The following KPNA6 variants were observed in gnomAD, a reference collection of about 807,000 sequenced individuals.
KPNA6 encodes importin subunit alpha-7.
A neutral mutation model predicts 72.0 loss-of-function variants in KPNA6; 9 were observed. The ratio of observed to expected loss-of-function variants is 0.13; its 90% CI spans 0.08 to 0.22. The LOEUF is 0.22. Among genes scored for constraint, KPNA6 ranks in the 10% least tolerant of loss-of-function variants. The pLI, the probability that KPNA6 is intolerant of heterozygous loss-of-function variation, is 1.00. For missense variants in KPNA6, 374 were observed against 655.7 expected (o/e 0.57, Z 4.69); for synonymous variants, 219 against 242.1 (o/e 0.90, Z 0.89).
intron 1 of KPNA6, among the ~76,000 whole-genome samples, chr1:32,134,141 C>T (rs576157804): frequency 6.6e-5 from 10 of 151,460 alleles, no homozygotes; most frequent in African/African-American, 2.2e-4. Context: ...CCTGTAGTCC[C>T]AGCTACTGGG....
intron 1 of KPNA6, among the ~76,000 whole-genome samples, chr1:32,120,006 G>T (rs1487791677): frequency 6.6e-6 from 1 of 151,952 alleles, no homozygotes; most frequent in Non-Finnish European, 1.5e-5. Flanking sequence ...AAAGTGCTGG[G>T]ATTACAGGTG....
chr1:32,147,927 G>GAGT (rs1290363956), intron 1 of KPNA6, among the ~76,000 whole-genome samples: 1 of 151,976 alleles, frequency 6.6e-6, no homozygotes, highest in African/African-American at 2.4e-5. Flanking sequence ...TGGCCTCCCA[G>GAGT]AGTGCTAGGA....
intron 1 of KPNA6, among the ~76,000 whole-genome samples, chr1:32,128,201 T>C: frequency 6.6e-6 from 1 of 151,536 alleles, no homozygotes; most frequent in Non-Finnish European, 1.5e-5. Context: ...GTTTGGACTA[T>C]AGTTATCCCA....
chr1:32,124,756 C>G (rs928893520), intron 1 of KPNA6, among the ~76,000 whole-genome samples: 3 of 151,612 alleles, frequency 2.0e-5, no homozygotes, highest in Non-Finnish European at 4.4e-5. Context: ...ATCCTTCCGC[C>G]TTGGCCTCCC....
intron 1 of KPNA6, among the ~76,000 whole-genome samples, chr1:32,148,620 C>T (rs185566657): frequency 2.1e-5 from 3 of 143,768 alleles, no homozygotes; most frequent in Admixed American, 1.4e-4. Flanking sequence ...GGCTGGAGTG[C>T]GATCTCGGCT....
rs1050008345 is a variant in KPNA6, at chr1:32,137,872, C to T, written c.5-16716C>T. ...AAGATAGGCCAGGCACAGTGGCTCA[C>T]GCCTGTAGTCCCAGCACATTTGGAG... On this transcript the variant is annotated intron_variant, in intron 1 of 13. Coordinates refer to ENST00000373625, the MANE Select transcript of KPNA6 (RefSeq NM_012316.5). Among the ~76,000 whole-genome samples, 77 of 152,134 alleles carry T rather than the reference C, an allele frequency of 5.1e-4. 5 individuals are homozygous for T. Among genetic ancestry groups the T allele is most frequent in the Non-Finnish European group, 7.4e-5 (5 of 68,014 alleles).
At chr1:32,136,181 C>CTTTTTTTTTTTTT (rs759447035) in intron 1 of KPNA6, among the ~76,000 whole-genome samples, 1,624 of 138,808 alleles carry the variant, frequency 0.012, 70 homozygotes, top group African/African-American at 0.04. Flanking sequence ...TAGCTTCTCT[C>CTTTTTTTTTTTTT]TTTTTTTTTT....
chr1:32,163,320 AAG>A lies in KPNA6; in HGVS notation c.990+10_990+11del. On this transcript the variant is annotated splice_region_variant and intron_variant, in intron 10 of 13. Coordinates refer to ENST00000373625, the MANE Select transcript of KPNA6 (RefSeq NM_012316.5). ...GGATGACATCCAGACCCAGGTAAGA[AAG>A]AGGAGGGTGCAGGATCTTAGACCAG... is the stretch of plus-strand genomic sequence containing the variant. 6.2e-7 allele frequency: 1 copy of A among 1,604,870 alleles called. No homozygotes were observed. Among genetic ancestry groups the A allele is most frequent in the Non-Finnish European group, 8.5e-7 (1 of 1,173,184 alleles).
intron 1 of KPNA6, among the ~76,000 whole-genome samples, chr1:32,112,811 A>G (rs557344207): frequency 6.6e-6 from 1 of 152,258 alleles, no homozygotes; most frequent in Non-Finnish European, 1.5e-5. Context: ...ACATATCTTA[A>G]TTAAGAAATC....
At chr1:32,154,108 C>T (rs993271066) in intron 1 of KPNA6, among the ~76,000 whole-genome samples, 3 of 151,722 alleles carry the variant, frequency 2.0e-5, no homozygotes, top group Non-Finnish European at 4.4e-5. Context: ...TACCGTGCCA[C>T]TGCACTCCAG....
chr1:32,170,798 A>C lies in KPNA6; in HGVS notation c.1515A>C (p.Glu505Asp), dbSNP rs1289756756. The C allele has an allele frequency of 1.9e-6, 3 of 1,614,094 alleles. No homozygotes were observed. Among genetic ancestry groups the C allele is most frequent in the African/African-American group, 1.3e-5 (1 of 74,924 alleles). ...FDLIEHYFGV[E>D]DDDSSLAPQV... ...TCATTGAGCACTACTTTGGTGTAGA[A>C]GACGATGATAGCAGCCTGGCTCCCC... Residue 505 changes from glutamate (E) to aspartate (D), a missense_variant, in exon 14 of 14, where the codon GAA becomes GAC. Glu to Asp is a conservative substitution (Grantham distance 45). This residue lies in a region of KPNA6 where 42 missense variants were observed against 49.8 expected (regional missense o/e 0.84). Transcript: ENST00000373625.
chr1:32,154,164 T>C (rs1034586092), intron 1 of KPNA6, among the ~76,000 whole-genome samples: 3 of 151,658 alleles, frequency 2.0e-5, no homozygotes, highest in Non-Finnish European at 2.9e-5. Flanking sequence ...AAAAACAGCA[T>C]TTCTCAAAGT....
chr1:32,152,860 A>C (rs190931484), intron 1 of KPNA6, among the ~76,000 whole-genome samples: 1 of 151,020 alleles, frequency 6.6e-6, no homozygotes, highest in East Asian at 2.0e-4. Flanking sequence ...AATAAAAATA[A>C]AAATAAAAAA....
intron 1 of KPNA6, chr1:32,143,133 G>A (rs1641869879): frequency 1.8e-6 from 1 of 571,028 alleles, no homozygotes; most frequent in African/African-American, 1.9e-5. Flanking sequence ...TGCAGACACA[G>A]CTCACTTGCA....
At position 32,108,136 on chromosome 1, in the gene KPNA6, T is replaced by G; in HGVS notation, c.4+2T>G. The G allele has an allele frequency of 6.2e-7, 1 of 1,613,840 alleles. No homozygotes were observed. The highest frequency in any genetic ancestry group is 8.5e-7 in the Non-Finnish European group (1 of 1,179,866). On this transcript the variant is annotated splice_donor_variant, in intron 1 of 13. Transcript: ENST00000373625. LOFTEE classifies it high-confidence loss of function. ...AGTGAGCGAGCGGACCCGCGATGGG[T>G]GAGTGAGGAAACCACGCAGTAGGGT...
intron 4 of KPNA6, among the ~76,000 whole-genome samples, chr1:32,157,678 C>T (rs933289186): frequency 1.3e-5 from 2 of 152,156 alleles, no homozygotes; most frequent in African/African-American, 4.8e-5. Context: ...GATTAAATCC[C>T]ACCTTCAACA....
At position 32,118,894 on chromosome 1, in the gene KPNA6, T is replaced by G. The variant is rs1276910207; in HGVS notation, c.4+10760T>G. 2.0e-5 allele frequency among the ~76,000 whole-genome samples: 3 copies of G among 150,488 alleles called. No individual in the cohort carries two copies. The East Asian group carries it at 5.8e-4, about 29-fold the overall frequency. Reference sequence around the variant, plus strand: ...TTTTAGCTCGGTGCTTAGCACATAGTAAGTACTCAATAAGTGATAATTAAT... The same window carrying G: ...TTTTAGCTCGGTGCTTAGCACATAGGAAGTACTCAATAAGTGATAATTAAT... On this transcript the variant is annotated intron_variant, in intron 1 of 13. Coordinates refer to ENST00000373625, the MANE Select transcript of KPNA6 (RefSeq NM_012316.5).
intron 1 of KPNA6, among the ~76,000 whole-genome samples, chr1:32,137,583 T>G (rs1343253949): frequency 6.6e-6 from 1 of 152,216 alleles, no homozygotes. Context: ...AAAACTGAAG[T>G]TTAAAATGTT....
At position 32,131,594 on chromosome 1, in the gene KPNA6, T is replaced by A. The variant is rs777757029; in HGVS notation, c.5-22994T>A. Among the ~76,000 whole-genome samples, 3 of 150,684 alleles carry A rather than the reference T, an allele frequency of 2.0e-5. No individual in the cohort carries two copies. The South Asian group carries it at 6.2e-4, about 31-fold the overall frequency. ...ATATGTATGTGTATATATATTTAAA[T>A]CTTAAGTCTATACACACACATATAT... On this transcript the variant is annotated intron_variant, in intron 1 of 13. Transcript: ENST00000373625.
Sources: gnomAD v4.1 joint callset for allele counts (sites outside exome capture counted in the v4.1 genomes callset) on GRCh38, gnomAD v4.1.1 for gene constraint, gnomAD v4.1.1 regional missense constraint, MANE v1.5 for transcripts, NCBI Gene and HGNC (gene_info 2026-07-23, HGNC 2026-07-21) for gene names.